Variants in AXDND1 observed in about 807,000 individuals in gnomAD.
The protein encoded by AXDND1 is axonemal dynein light chain domain-containing protein 1.
A neutral mutation model predicts 137.5 loss-of-function variants in AXDND1; 110 were observed. The ratio of observed to expected loss-of-function variants is 0.80; its 90% CI spans 0.69 to 0.94. The LOEUF (loss-of-function observed/expected upper bound fraction) is 0.94. Ranked by LOEUF, AXDND1 falls within the 40% of genes least tolerant of loss-of-function variation. The pLI is 0.00. For synonymous variants in AXDND1, 414 were observed against 399.7 expected, an observed-to-expected ratio of 1.04 and a Z score of -0.43; for missense variants, 1,191 against 1,169.8, an observed-to-expected ratio of 1.02 and a Z score of -0.26.
At chr1:179,394,090 G>A in intron 10 of AXDND1, 47 bp downstream of exon 10, 1 of 1,537,684 alleles carries the variant, frequency 6.5e-7, no homozygotes, top group Admixed American at 2.1e-5. Flanking sequence ...TCAATGTCAT[G>A]TCTCTAAAGG....
intron 15 of AXDND1, among the ~76,000 whole-genome samples, chr1:179,432,766 C>T (rs368191982): frequency 3.3e-5 from 5 of 152,032 alleles, no homozygotes; most frequent in South Asian, 2.1e-4. Flanking sequence ...GGGCCGGGCA[C>T]GGTGGCTCAC....
intron 19 of AXDND1, 149 bp from the exon 20 acceptor site, chr1:179,492,706 G>C: frequency 1.9e-6 from 1 of 532,712 alleles, no homozygotes; most frequent in Non-Finnish European, 3.3e-6. Flanking sequence ...ATTCTCCTTG[G>C]TGAGTCAGTA....
At chr1:179,476,352 T>G (rs1664622318) in intron 17 of AXDND1, among the ~76,000 whole-genome samples, 1 of 152,256 alleles carries the variant, frequency 6.6e-6, no homozygotes, top group South Asian at 2.1e-4. Context: ...CAATATGTCC[T>G]ATGTTATTTT....
At chr1:179,503,109 A>AG (rs1668185760) in intron 20 of AXDND1, among the ~76,000 whole-genome samples, 2 of 151,372 alleles carry the variant, frequency 1.3e-5, no homozygotes. Flanking sequence ...AAAAAAAAAA[A>AG]GGATATTCCA....
intron 25 of AXDND1, among the ~76,000 whole-genome samples, chr1:179,536,700 T>A (rs1410147528): frequency 6.6e-6 from 1 of 152,216 alleles, no homozygotes; most frequent in Admixed American, 6.5e-5. Flanking sequence ...TGTGCACTCT[T>A]TTTTGGTTCC....
At chr1:179,543,698 C>T (rs1456476210) in intron 25 of AXDND1, 2 of 152,098 alleles carry the variant, frequency 1.3e-5, no homozygotes, top group Admixed American at 1.3e-4. Context: ...ACTCCTTGAC[C>T]ACATTCTGTC....
chr1:179,553,814 C>T lies in AXDND1; in HGVS notation c.3032-698C>T, dbSNP rs541923835. 5.0e-4 allele frequency among the ~76,000 whole-genome samples: 76 copies of T among 152,172 alleles called. 1 individual carries two copies. The highest frequency in any genetic ancestry group is 6.8e-3 in the Middle Eastern group (2 of 294). The stretch of plus-strand genomic sequence containing the variant: ...CGGGCTGGAGTGCAATGCACAATCT[C>T]GACTCACTGCAGCCTCCGCCTCCCG... On this transcript the variant is annotated intron_variant, in intron 25 of 25. Transcript: ENST00000367618.
intron 16 of AXDND1, among the ~76,000 whole-genome samples, chr1:179,465,692 T>G (rs1043408627): frequency 2.0e-5 from 3 of 152,220 alleles, no homozygotes; most frequent in African/African-American, 7.2e-5. Context: ...TCTGCTGCCT[T>G]TTGTTCAGCT....
At chr1:179,459,704 C>CT (rs373584319) in intron 16 of AXDND1, among the ~76,000 whole-genome samples, 8 of 91,546 alleles carry the variant, frequency 8.7e-5, no homozygotes, top group African/African-American at 2.5e-4. Flanking sequence ...TCTTTCTTTC[C>CT]TTTCTTTCTT....
At chr1:179,457,688 A>T (rs1288887313) in intron 16 of AXDND1, among the ~76,000 whole-genome samples, 2 of 152,220 alleles carry the variant, frequency 1.3e-5, no homozygotes, top group African/African-American at 4.8e-5. Flanking sequence ...AAAAAAGCTG[A>T]ATTTTTGCTT....
At chr1:179,421,499 T>C (rs573487720) in intron 12 of AXDND1, among the ~76,000 whole-genome samples, 1 of 149,192 alleles carries the variant, frequency 6.7e-6, no homozygotes, top group South Asian at 2.1e-4. Context: ...TTCTTGTGCC[T>C]CAGCCTCCTG....
intron 25 of AXDND1, among the ~76,000 whole-genome samples, chr1:179,547,150 A>T (rs949610506): frequency 1.3e-5 from 2 of 152,224 alleles, no homozygotes; most frequent in African/African-American, 4.8e-5. Context: ...TCCCCAGAGG[A>T]AGCAGAGGAG....
At chr1:179,522,589 T>C (rs1356557393) in intron 21 of AXDND1, among the ~76,000 whole-genome samples, 1 of 151,902 alleles carries the variant, frequency 6.6e-6, no homozygotes, top group Non-Finnish European at 1.5e-5. Flanking sequence ...TTTAAGTAGT[T>C]AAATAAATAT....
At chr1:179,522,172 T>C (rs985989320) in intron 21 of AXDND1, among the ~76,000 whole-genome samples, 4 of 152,178 alleles carry the variant, frequency 2.6e-5, no homozygotes, top group African/African-American at 4.8e-5. Flanking sequence ...CCTTCTTTCA[T>C]ATTCTCTCTC....
chr1:179,490,443 TTCTC>T (rs994445405), intron 18 of AXDND1, among the ~76,000 whole-genome samples: 13 of 152,178 alleles, frequency 8.5e-5, no homozygotes, highest in African/African-American at 2.9e-4. Flanking sequence ...TTCTCAAACT[TTCTC>T]TATTCACAGT....
At chr1:179,513,143 A>G (rs1436758539) in intron 21 of AXDND1, among the ~76,000 whole-genome samples, 1 of 152,132 alleles carries the variant, frequency 6.6e-6, no homozygotes, top group Non-Finnish European at 1.5e-5. Flanking sequence ...GTCTCATTCC[A>G]GTTCTCAGAG....
At chr1:179,500,812 C>A (rs967997110) in intron 20 of AXDND1, among the ~76,000 whole-genome samples, 1 of 152,176 alleles carries the variant, frequency 6.6e-6, no homozygotes, top group African/African-American at 2.4e-5. Context: ...GCCGGGATTA[C>A]AGGCACAGGC....
chr1:179,519,120 G>T (rs559219706), intron 21 of AXDND1, among the ~76,000 whole-genome samples: 2 of 152,088 alleles, frequency 1.3e-5, no homozygotes, highest in Non-Finnish European at 2.9e-5. Flanking sequence ...ATGGTTTTGA[G>T]TTGTATTTCT....
intron 18 of AXDND1, among the ~76,000 whole-genome samples, chr1:179,486,462 T>C (rs1172862212): frequency 6.7e-6 from 1 of 149,736 alleles, no homozygotes; most frequent in Non-Finnish European, 1.5e-5. Flanking sequence ...AACATTCAAA[T>C]TCAGGAAATG....
Sources: allele counts gnomAD v4.1 joint callset (sites outside exome capture counted in the v4.1 genomes callset), GRCh38; gene constraint gnomAD v4.1.1; transcripts MANE v1.5; gene names NCBI Gene and HGNC (gene_info 2026-07-23, HGNC 2026-07-21).